Variants in TENM3 observed in about 807,000 individuals in gnomAD.
The protein encoded by TENM3 is teneurin-3.
In TENM3, 63 loss-of-function variants were observed where a neutral mutation model predicts 255.1. The observed-to-expected ratio is 0.25, with a 90% CI of 0.20 to 0.30. The LOEUF (loss-of-function observed/expected upper bound fraction) is 0.30. Ranked by LOEUF, TENM3 falls within the 10% of genes least tolerant of loss-of-function variation. The pLI is 1.00. For synonymous variants in TENM3, 1,306 were observed against 1,322.3 expected (o/e 0.99, Z 0.27); for missense variants, 2,929 against 3,461.1 (o/e 0.85, Z 3.86).
At chr4:181,755,176 AATG>A in the TENM3 span, among the ~76,000 whole-genome samples, 1 of 152,162 alleles carries the variant, frequency 6.6e-6, no homozygotes, top group Non-Finnish European at 1.5e-5. Flanking sequence ...ATTTTATTCT[AATG>A]ATATTTAAAA....
At chr4:182,227,340 T>C (rs1455544557) in intron 1 of TENM3, among the ~76,000 whole-genome samples, 2 of 152,136 alleles carry the variant, frequency 1.3e-5, no homozygotes, top group Non-Finnish European at 2.9e-5. Flanking sequence ...CATGTAGCCA[T>C]AGGGTCCCTG....
chr4:182,158,123 C>T (rs2149609398), intron 1 of TENM3, among the ~76,000 whole-genome samples: 1 of 152,262 alleles, frequency 6.6e-6, no homozygotes, highest in Non-Finnish European at 1.5e-5. Context: ...CTAAAGGGCA[C>T]ACGCTTTCTC....
At chr4:181,459,874 A>G in the TENM3 span, among the ~76,000 whole-genome samples, 3 of 151,968 alleles carry the variant, frequency 2.0e-5, no homozygotes, top group Non-Finnish European at 4.4e-5. Flanking sequence ...TTATTGGCAT[A>G]TCATTAAAAT....
At chr4:182,514,908 A>T (rs1032121622) in intron 3 of TENM3, among the ~76,000 whole-genome samples, 4 of 152,218 alleles carry the variant, frequency 2.6e-5, no homozygotes, top group African/African-American at 9.6e-5. Flanking sequence ...AAGCTTACAG[A>T]GAGAGAGGAA....
the TENM3 span, among the ~76,000 whole-genome samples, chr4:181,576,782 C>T: frequency 4.7e-5 from 7 of 149,226 alleles, no homozygotes; most frequent in East Asian, 2.0e-4. Context: ...TTTTCCTTTC[C>T]GGATTTTTCT....
the TENM3 span, among the ~76,000 whole-genome samples, chr4:181,811,585 A>C: frequency 6.6e-6 from 1 of 152,336 alleles, no homozygotes. Context: ...TAATGGACTC[A>C]CAGTTCCACA....
chr4:182,663,964 C>T (rs1311021474), intron 6 of TENM3, among the ~76,000 whole-genome samples: 1 of 152,180 alleles, frequency 6.6e-6, no homozygotes, highest in Non-Finnish European at 1.5e-5. Flanking sequence ...ACCTGTTATT[C>T]TTCTACTTAG....
chr4:181,730,923 A>G, the TENM3 span, among the ~76,000 whole-genome samples: 1 of 152,320 alleles, frequency 6.6e-6, no homozygotes. Flanking sequence ...CTGTTCCTTA[A>G]CAACAGTTTT....
In TENM3 at chr4:182,645,373, A is replaced by G. The variant is rs1015976377; in HGVS notation, c.989-8398A>G. 3.3e-5 allele frequency among the ~76,000 whole-genome samples: 5 copies of G among 152,232 alleles called. No individual in the cohort carries two copies. The East Asian group carries it at 9.8e-4, about 30-fold the overall frequency. On this transcript the variant is annotated intron_variant, in intron 5 of 27. Transcript: ENST00000511685. ...ACATGGAATTGGAAGTTGATATTAT[A>G]AAAGTGGTTAACATGAAAGGAAGGT...
At chr4:182,690,674 A>G (rs1579123141) in intron 12 of TENM3, among the ~76,000 whole-genome samples, 1 of 152,274 alleles carries the variant, frequency 6.6e-6, no homozygotes, top group East Asian at 1.9e-4. Context: ...GGCGGATTTA[A>G]CTTACCAACC....
the TENM3 span, among the ~76,000 whole-genome samples, chr4:181,702,423 C>T: frequency 3.9e-5 from 6 of 152,196 alleles, no homozygotes; most frequent in African/African-American, 1.2e-4. Context: ...TATTATCAAA[C>T]TCCACTTCTC....
At chr4:182,317,581 T>C (rs774370090) in intron 1 of TENM3, among the ~76,000 whole-genome samples, 5 of 152,162 alleles carry the variant, frequency 3.3e-5, no homozygotes, top group Non-Finnish European at 7.3e-5. Context: ...GTGCTGGAAT[T>C]GCAGGTGTGA....
chr4:182,291,540 A>G (rs1240012719), intron 1 of TENM3, among the ~76,000 whole-genome samples: 1 of 152,152 alleles, frequency 6.6e-6, no homozygotes, highest in Non-Finnish European at 1.5e-5. Context: ...TCGTCACATC[A>G]GTGAATCCTC....
chr4:181,763,128 C>CT, the TENM3 span, among the ~76,000 whole-genome samples: 1 of 152,202 alleles, frequency 6.6e-6, no homozygotes, highest in East Asian at 1.9e-4. Flanking sequence ...TAGGAATCTT[C>CT]TTTTTTATCT....
the TENM3 span, among the ~76,000 whole-genome samples, chr4:181,514,834 A>G: frequency 1.7e-3 from 263 of 152,334 alleles, 2 homozygotes; most frequent in African/African-American, 6.2e-3. Context: ...GGGAGGGCTG[A>G]AGAATGGATA....
the TENM3 span, among the ~76,000 whole-genome samples, chr4:181,804,585 G>C: frequency 1.3e-5 from 2 of 152,220 alleles, no homozygotes; most frequent in Non-Finnish European, 2.9e-5. Flanking sequence ...ACAAGATGTT[G>C]AAATGCAGAT....
At position 182,567,744 on chromosome 4, in the gene TENM3, A is replaced by AT. The variant is rs150439706; in HGVS notation, c.512-33170dup. Among the ~76,000 whole-genome samples the AT allele has an allele frequency of 1.6e-3, 223 of 140,910 alleles. 1 individual carries two copies. The highest frequency in any genetic ancestry group is 5.1e-3 in the African/African-American group (191 of 37,800). The allele number at this position is 140,910 out of a possible 152,430, so 92.4% of individuals were successfully genotyped here. A position where few individuals can be genotyped will look rare whatever the true frequency, so the allele number is the denominator to read the frequency against. On this transcript the variant is annotated intron_variant, in intron 3 of 27. Transcript: ENST00000511685. ...ATCAGGAGACTTCCCACCCTACTCT[A>AT]TTTTTTTTTTATATAAAACAGTTAC...
the TENM3 span, among the ~76,000 whole-genome samples, chr4:181,681,104 G>A: frequency 6.6e-6 from 1 of 151,884 alleles, no homozygotes; most frequent in Non-Finnish European, 1.5e-5. Flanking sequence ...TCTAAGGTAA[G>A]CGTATTTCTG....
intron 3 of TENM3, among the ~76,000 whole-genome samples, chr4:182,495,476 G>A (rs1735685109): frequency 6.6e-6 from 1 of 150,570 alleles, no homozygotes. Flanking sequence ...AAAATAAGAG[G>A]GACTGTTTCT....
Sources: gnomAD v4.1 joint callset for allele counts (sites outside exome capture counted in the v4.1 genomes callset) on GRCh38, gnomAD v4.1.1 for gene constraint, MANE v1.5 for transcripts, NCBI Gene and HGNC (gene_info 2026-07-23, HGNC 2026-07-21) for gene names.